PELI2: variants seen among roughly 807,000 people sequenced by gnomAD.
The protein encoded by PELI2 is pellino E3 ubiquitin protein ligase family member 2.
PELI2 carries 23 observed loss-of-function variants against 42.3 expected under a neutral mutation model. The observed-to-expected ratio is 0.54, with a 90% CI of 0.39 to 0.77. The LOEUF (loss-of-function observed/expected upper bound fraction) is 0.77. Among genes scored for constraint, PELI2 ranks in the 30% least tolerant of loss-of-function variants. The pLI is 0.00. For missense variants in PELI2, 463 were observed against 553.2 expected (o/e 0.84, Z 1.64); for synonymous variants, 245 against 212.2 (o/e 1.15, Z -1.34).
chr14:56,296,167 C>G (rs930261031), intron 5 of PELI2, among the ~76,000 whole-genome samples: 1 of 152,128 alleles, frequency 6.6e-6, no homozygotes, highest in Non-Finnish European at 1.5e-5. Context: ...TGACTGCAGG[C>G]CCCCCGCAAG....
At chr14:56,182,562 G>T (rs1412069389) in intron 2 of PELI2, among the ~76,000 whole-genome samples, 5 of 151,914 alleles carry the variant, frequency 3.3e-5, no homozygotes, top group African/African-American at 1.2e-4. Flanking sequence ...TCCTTTTTTG[G>T]ATATTTTACT....
At chr14:56,170,151 T>C (rs748637372) in intron 1 of PELI2, among the ~76,000 whole-genome samples, 3 of 152,154 alleles carry the variant, frequency 2.0e-5, no homozygotes, top group Non-Finnish European at 4.4e-5. Flanking sequence ...TTGGTGCAAG[T>C]GACAGAGCAG....
chr14:56,151,542 C>T (rs1884357268), intron 1 of PELI2, among the ~76,000 whole-genome samples: 1 of 152,152 alleles, frequency 6.6e-6, no homozygotes, highest in Non-Finnish European at 1.5e-5. Flanking sequence ...TCAGCTAGGA[C>T]CTGATGTCAC....
At position 56,288,504 on chromosome 14, in the gene PELI2, C is replaced by A; in HGVS notation, c.377C>A (p.Thr126Lys). 6.2e-7 allele frequency: 1 copy of A among 1,614,046 alleles called. No individual in the cohort carries two copies. Among genetic ancestry groups the A allele is most frequent in the Non-Finnish European group, 8.5e-7 (1 of 1,179,962 alleles). The change falls in exon 4 of 6, where the codon ACG (threonine) becomes AAG (lysine). Residue 126 changes from threonine (T) to lysine (K), a missense_variant. Coordinates refer to ENST00000267460, the MANE Select transcript of PELI2 (RefSeq NM_021255.3). This position sits in a 1 kb window ranked among gnomAD's most constrained non-coding sequence, Gnocchi z 4.6. ...VTDTISGSQNTDEAQITQSTI... is the reference protein window; with the variant it reads ...VTDTISGSQNKDEAQITQSTI... ...GACACGATTTCTGGCAGCCAGAACA[C>A]GGACGAAGCCCAGATCACACAGAGC...
intron 2 of PELI2, among the ~76,000 whole-genome samples, chr14:56,226,734 C>A (rs975314230): frequency 2.0e-5 from 3 of 152,146 alleles, no homozygotes; most frequent in African/African-American, 4.8e-5. Context: ...GAAGTTTATG[C>A]CCTGGGATGT....
chr14:56,242,592 A>G (rs912840011), intron 2 of PELI2, among the ~76,000 whole-genome samples: 4 of 152,234 alleles, frequency 2.6e-5, no homozygotes, highest in African/African-American at 9.6e-5. Context: ...AAAAATGTGG[A>G]ACCAGCCTAA....
chr14:56,263,321 C>T (rs1737897402), intron 2 of PELI2, among the ~76,000 whole-genome samples: 1 of 152,084 alleles, frequency 6.6e-6, no homozygotes, highest in African/African-American at 2.4e-5. Context: ...TTGACAAATA[C>T]TGATAAATAT....
At position 56,145,749 on chromosome 14, in the gene PELI2, A is replaced by G. The variant is rs776442299; in HGVS notation, c.77+27012A>G. Among the ~76,000 whole-genome samples the G allele has an allele frequency of 3.6e-4, 55 of 152,244 alleles. 1 individual carries two copies. The highest frequency in any genetic ancestry group is 2.5e-3 in the Admixed American group (38 of 15,284). On this transcript the variant is annotated intron_variant, in intron 1 of 5. Transcript: ENST00000267460. ...CCATGCATTTGGGCTACAGAAAGGA[A>G]AAGATACGGCCTCTGCTATGAAAGG...
At chr14:56,249,279 G>A (rs1423040536) in intron 2 of PELI2, among the ~76,000 whole-genome samples, 1 of 152,134 alleles carries the variant, frequency 6.6e-6, no homozygotes, top group Admixed American at 6.5e-5. Flanking sequence ...AAGGCCCTGT[G>A]CCCTGGGCAT....
At chr14:56,142,039 G>A (rs1375184869) in intron 1 of PELI2, among the ~76,000 whole-genome samples, 1 of 152,108 alleles carries the variant, frequency 6.6e-6, no homozygotes, top group Non-Finnish European at 1.5e-5. Context: ...TGGTCTCTAA[G>A]TTACTGTGAT....
At position 56,173,971 on chromosome 14, in the gene PELI2, G is replaced by A. The variant is rs1211224311; in HGVS notation, c.78-4364G>A. Among the ~76,000 whole-genome samples, 6 of 151,984 alleles carry A rather than the reference G, an allele frequency of 3.9e-5. No individual in the cohort carries two copies. The South Asian group carries it at 6.3e-4, about 16-fold the overall frequency. Reference sequence around the variant, plus strand: ...GGCTGGAGTACAGTGGTACGATCTCGGCCCACTGAAACCTCTGCTTCCTGG... The same window carrying A: ...GGCTGGAGTACAGTGGTACGATCTCAGCCCACTGAAACCTCTGCTTCCTGG... On this transcript the variant is annotated intron_variant, in intron 1 of 5. Coordinates refer to ENST00000267460, the MANE Select transcript of PELI2 (RefSeq NM_021255.3).
At chr14:56,289,792 T>C (rs1889768228) in intron 4 of PELI2, among the ~76,000 whole-genome samples, 1 of 152,246 alleles carries the variant, frequency 6.6e-6, no homozygotes, top group African/African-American at 2.4e-5. Context: ...GACCCCGACT[T>C]GTTGGCTTAA....
intron 1 of PELI2, among the ~76,000 whole-genome samples, chr14:56,140,844 GCTGTT>G (rs1883879889): frequency 6.6e-6 from 1 of 152,170 alleles, no homozygotes; most frequent in African/African-American, 2.4e-5. Context: ...TGGGAGCTTT[GCTGTT>G]CATCCTGAGG....
intron 2 of PELI2, among the ~76,000 whole-genome samples, chr14:56,198,008 A>ACCCC (rs1391900396): frequency 3.6e-5 from 4 of 110,324 alleles, no homozygotes; most frequent in South Asian, 3.3e-4. Context: ...ACACACACAC[A>ACCCC]CACACCCACC....
intron 1 of PELI2, among the ~76,000 whole-genome samples, chr14:56,131,888 CA>C (rs896562054): frequency 2.0e-5 from 3 of 152,066 alleles, no homozygotes; most frequent in African/African-American, 7.2e-5. Context: ...AACCCTGTCT[CA>C]AAAAAATGAA....
chr14:56,124,005 G>T (rs552246964), intron 1 of PELI2, among the ~76,000 whole-genome samples: 3 of 152,268 alleles, frequency 2.0e-5, no homozygotes, highest in African/African-American at 7.2e-5. Flanking sequence ...ACTGTGAAAA[G>T]GAATTTATAA....
chr14:56,151,616 C>T (rs546839145), intron 1 of PELI2, among the ~76,000 whole-genome samples: 9 of 152,276 alleles, frequency 5.9e-5, no homozygotes, highest in Non-Finnish European at 8.8e-5. Flanking sequence ...TTACTTAACC[C>T]GTGCCTGAGG....
In PELI2 at chr14:56,182,381, A is replaced by G. The variant is rs142451101; in HGVS notation, c.207+3917A>G. On this transcript the variant is annotated intron_variant, in intron 2 of 5. Transcript: ENST00000267460. ...TACTTTTTTATGATATGGGACAACT[A>G]TTTTGCTCTTACTTAACCAGTAAAT... is the stretch of plus-strand genomic sequence containing the variant. 6.6e-5 allele frequency among the ~76,000 whole-genome samples: 10 copies of G among 152,274 alleles called. 1 individual carries two copies. The highest frequency in any genetic ancestry group is 1.9e-4 in the African/African-American group (8 of 41,562).
At chr14:56,232,797 TAGGAAAAG>T (rs1185052979) in intron 2 of PELI2, among the ~76,000 whole-genome samples, 1 of 144,116 alleles carries the variant, frequency 6.9e-6, no homozygotes, top group Non-Finnish European at 1.5e-5. Flanking sequence ...GGTATTCAAT[TAGGAAAAG>T]AGGAAGTCAA....
Sources: allele counts gnomAD v4.1 joint callset (sites outside exome capture counted in the v4.1 genomes callset), GRCh38; gene constraint gnomAD v4.1.1; non-coding constraint Gnocchi (gnomAD v3.1); transcripts MANE v1.5; gene names NCBI Gene and HGNC (gene_info 2026-07-23, HGNC 2026-07-21).